Variants in LACC1 observed in about 807,000 individuals in gnomAD.
The protein encoded by LACC1 is purine nucleoside phosphorylase LACC1.
Under a neutral mutation model 34.8 loss-of-function variants are expected in LACC1, and 25 were observed. That is an observed-to-expected ratio of 0.72 (90% CI 0.52 to 1.00). The LOEUF (loss-of-function observed/expected upper bound fraction) is 1.00. Among genes scored for constraint, LACC1 ranks in the 50% least tolerant of loss-of-function variants. LACC1 has a pLI of 0.00. For missense variants in LACC1, 426 were observed against 511.2 expected (o/e 0.83, Z 1.61); for synonymous variants, 162 against 168.0 (o/e 0.96, Z 0.28).
intron 2 of LACC1, 28 bp from the exon 3 acceptor site, chr13:43,882,157 T>G (rs1394924785): frequency 1.9e-6 from 3 of 1,562,094 alleles, no homozygotes; most frequent in Non-Finnish European, 2.6e-6. Context: ...ATAGCATCTT[T>G]TAAATCTTCA....
chr13:43,880,845 A>G (rs557302528), intron 1 of LACC1, 107 bp from the exon 2 acceptor site: 1 of 710,202 alleles, frequency 1.4e-6, no homozygotes, highest in Admixed American at 3.0e-5. Flanking sequence ...TATTTTAGTT[A>G]CATTTTAAAA....
upstream of LACC1, chr13:43,879,809 G>GGGGCGAGGCGGGGCGAGGCGGGGCGAGGT (rs1954875702): frequency 8.6e-6 from 1 of 116,148 alleles, no homozygotes; most frequent in Non-Finnish European, 2.0e-5. Flanking sequence ...GAGGCGAGGC[G>GGGGCGAGGCGGGGCGAGGCGGGGCGAGGT]GGGCGAGGTG....
In LACC1 at chr13:43,892,091, C is replaced by T. The variant is rs1343523852; in HGVS notation, c.*644C>T. ...AGAAGGGTGTGGGCATGAGTTAGGGCTGGAAAAACAGGTTGGAAACAGATA... is the reference window on the plus strand; with the variant it reads ...AGAAGGGTGTGGGCATGAGTTAGGGTTGGAAAAACAGGTTGGAAACAGATA... On this transcript the variant is annotated 3_prime_UTR_variant, in exon 7 of 7. Coordinates refer to ENST00000325686, the MANE Select transcript of LACC1 (RefSeq NM_153218.4). 6.6e-6 allele frequency: 1 copy of T among 150,780 alleles called. No homozygotes were observed. Among genetic ancestry groups the T allele is most frequent in the Non-Finnish European group, 1.5e-5 (1 of 67,802 alleles). The allele number at this position is 150,780 out of a possible 1,614,324, so 9.3% of individuals were successfully genotyped here.
At position 43,892,128 on chromosome 13, in the gene LACC1, C is replaced by T. The variant is rs1454287082; in HGVS notation, c.*681C>T. 6.8e-6 allele frequency: 1 copy of T among 147,974 alleles called. No homozygotes were observed. Among genetic ancestry groups the T allele is most frequent in the Non-Finnish European group, 1.5e-5 (1 of 67,278 alleles). 9.2% of individuals were successfully genotyped at this position (147,974 alleles called of 1,614,324 possible). A position where few individuals can be genotyped will look rare whatever the true frequency, so the allele number is the denominator to read the frequency against. ...GTTGGAAACAGATAAGTAAGGGTCTCAAATGCAATGTCAAAGAGCTTGCAG... is the reference window on the plus strand; with the variant it reads ...GTTGGAAACAGATAAGTAAGGGTCTTAAATGCAATGTCAAAGAGCTTGCAG... On this transcript the variant is annotated 3_prime_UTR_variant, in exon 7 of 7. Coordinates refer to ENST00000325686, the MANE Select transcript of LACC1 (RefSeq NM_153218.4).
At chr13:43,884,199 T>C (rs549645936) in intron 4 of LACC1, among the ~76,000 whole-genome samples, 1 of 152,318 alleles carries the variant, frequency 6.6e-6, no homozygotes, top group South Asian at 2.1e-4. Flanking sequence ...TGGGTAACAG[T>C]GTTCCTTAGC....
At chr13:43,890,608 ATTTCC>A (rs1197175320) in intron 6 of LACC1, among the ~76,000 whole-genome samples, 1 of 152,182 alleles carries the variant, frequency 6.6e-6, no homozygotes, top group African/African-American at 2.4e-5. Flanking sequence ...GTATGTAAGT[ATTTCC>A]TTTCTCTCTA....
Position 43,890,267 on chromosome 13 carries a change from A to C in LACC1, c.1287A>C (p.Lys429Asn). 1 of 1,613,132 alleles carries C rather than the reference A, an allele frequency of 6.2e-7. No homozygotes were observed. The highest frequency in any genetic ancestry group is 1.3e-5 in the African/African-American group (1 of 75,004). ...FGTQIGFISIKE is the reference protein window; with the variant it reads ...FGTQIGFISINE ...CACAGATTGGCTTCATATCAATTAAAGAATGAGGTACAGTAGGTTTTCTCT... is the reference window on the plus strand; with the variant it reads ...CACAGATTGGCTTCATATCAATTAACGAATGAGGTACAGTAGGTTTTCTCT... The change falls in exon 6 of 7, where the codon AAA becomes AAC. Residue 429 changes from lysine to asparagine, a missense_variant. Around this residue, in one of 2 missense-constraint regions of LACC1, gnomAD observed 209 missense variants for 300.3 expected, o/e 0.70. Transcript: ENST00000325686.
intron 4 of LACC1, among the ~76,000 whole-genome samples, chr13:43,888,187 T>C (rs1422320048): frequency 6.6e-6 from 1 of 152,150 alleles, no homozygotes; most frequent in African/African-American, 2.4e-5. Context: ...GTGAAATCAG[T>C]CAGTCACAAA....
intron 2 of LACC1, among the ~76,000 whole-genome samples, chr13:43,881,758 T>G (rs1955069967): frequency 1.3e-5 from 2 of 152,214 alleles, no homozygotes; most frequent in South Asian, 4.1e-4. Flanking sequence ...CCCAAATAAA[T>G]AAATTTGCTT....
chr13:43,887,485 GT>G (rs1299016684), intron 4 of LACC1, among the ~76,000 whole-genome samples: 1 of 152,158 alleles, frequency 6.6e-6, no homozygotes, highest in Non-Finnish European at 1.5e-5. Context: ...GGTAGCATAA[GT>G]AAAGAAGATG....
intron 3 of LACC1, among the ~76,000 whole-genome samples, chr13:43,882,973 A>ACG (rs1467904100): frequency 6.6e-6 from 1 of 151,926 alleles, no homozygotes; most frequent in Non-Finnish European, 1.5e-5. Flanking sequence ...ACACACACAC[A>ACG]CGTACTCATG....
intron 6 of LACC1, 106 bp downstream of exon 6, chr13:43,890,380 A>G: frequency 1.2e-6 from 1 of 860,614 alleles, no homozygotes; most frequent in Non-Finnish European, 1.7e-6. Flanking sequence ...TCCTCCCCTT[A>G]TTTAAAAAAA....
In LACC1 at chr13:43,880,954, G is replaced by T. The variant is rs1194388618; in HGVS notation, c.-32G>T. ...CTTACACTAATTTTTATTTGCAGGT[G>T]ATTTATTTGGCATAAAAGTATTCTT... On this transcript the variant is annotated splice_region_variant and 5_prime_UTR_variant, in exon 2 of 7. An upstream open reading frame in the 5' UTR loses its in-frame stop. Transcript: ENST00000325686. 2 of 1,526,608 alleles carry T rather than the reference G, an allele frequency of 1.3e-6. No homozygotes were observed. Among genetic ancestry groups the T allele is most frequent in the South Asian group, 1.2e-5 (1 of 83,104 alleles). 94.6% of individuals were successfully genotyped at this position (1,526,608 alleles called of 1,614,324 possible). A position where few individuals can be genotyped will look rare whatever the true frequency, so the allele number is the denominator to read the frequency against.
chr13:43,886,307 G>A (rs374358157), intron 4 of LACC1, among the ~76,000 whole-genome samples: 1 of 152,094 alleles, frequency 6.6e-6, no homozygotes, highest in Non-Finnish European at 1.5e-5. Flanking sequence ...ACATGCACAC[G>A]TATGTTCATC....
Position 43,880,949 on chromosome 13 carries a change from C to A in LACC1, c.-34-3C>A. On this transcript the variant is annotated splice_polypyrimidine_tract_variant and splice_region_variant and intron_variant, in intron 1 of 6. Coordinates refer to ENST00000325686, the MANE Select transcript of LACC1 (RefSeq NM_153218.4). ...ATATTCTTACACTAATTTTTATTTG[C>A]AGGTGATTTATTTGGCATAAAAGTA... 2 of 1,484,624 alleles carry A rather than the reference C, an allele frequency of 1.3e-6. No homozygotes were observed. The highest frequency in any genetic ancestry group is 1.8e-6 in the Non-Finnish European group (2 of 1,087,964). 92.0% of individuals were successfully genotyped at this position (1,484,624 alleles called of 1,614,324 possible). A position where few individuals can be genotyped will look rare whatever the true frequency, so the allele number is the denominator to read the frequency against.
intron 6 of LACC1, among the ~76,000 whole-genome samples, chr13:43,890,621 C>T (rs1955533266): frequency 1.3e-5 from 2 of 152,198 alleles, no homozygotes; most frequent in East Asian, 3.9e-4. Context: ...TCCTTTCTCT[C>T]TACTATGTAC....
intron 4 of LACC1, among the ~76,000 whole-genome samples, chr13:43,884,251 C>T (rs2138307897): frequency 6.6e-6 from 1 of 152,254 alleles, no homozygotes; most frequent in South Asian, 2.1e-4. Flanking sequence ...TCCCACATTG[C>T]AGATTAAGTG....
chr13:43,893,580 T>A lies in LACC1; in HGVS notation c.*2133T>A, dbSNP rs957909873. 1 of 151,992 alleles carries A rather than the reference T, an allele frequency of 6.6e-6. No individual in the cohort carries two copies. Among genetic ancestry groups the A allele is most frequent in the Non-Finnish European group, 1.5e-5 (1 of 67,874 alleles). The allele number at this position is 151,992 out of a possible 1,614,324, so 9.4% of individuals were successfully genotyped here. On this transcript the variant is annotated 3_prime_UTR_variant, in exon 7 of 7. Transcript: ENST00000325686. ...GTCAGTAAACCAACAATCTCAATAC[T>A]TTGATATATGTTGTGAGGTTGTGAT...
At chr13:43,886,735 T>G (rs530644031) in intron 4 of LACC1, among the ~76,000 whole-genome samples, 21 of 152,188 alleles carry the variant, frequency 1.4e-4, no homozygotes, top group Non-Finnish European at 2.2e-4. Flanking sequence ...CCTGCATATA[T>G]GTACCCCGAA....
Sources: gnomAD v4.1 joint callset for allele counts (sites outside exome capture counted in the v4.1 genomes callset) on GRCh38, gnomAD v4.1.1 for gene constraint, gnomAD v4.1.1 regional missense constraint, MANE v1.5 for transcripts, NCBI Gene and HGNC (gene_info 2026-07-23, HGNC 2026-07-21) for gene names.